CCDC166: variants seen among roughly 807,000 people sequenced by gnomAD.
CCDC166 encodes the protein coiled-coil domain containing 166.
CCDC166 carries 17 observed loss-of-function variants against 14.4 expected under a neutral mutation model. The ratio of observed to expected loss-of-function variants is 1.18; its 90% CI spans 0.81 to 1.77. CCDC166 has a LOEUF of 1.77. Among genes scored for constraint, CCDC166 ranks in the 40% most tolerant of loss-of-function variants. The probability of loss-of-function intolerance (pLI) is 0.00; values close to 1 mark genes in which losing one functional copy is unlikely to be tolerated. For missense variants in CCDC166, 738 were observed against 665.8 expected (o/e 1.11, Z -1.19); for synonymous variants, 336 against 330.1 (o/e 1.02, Z -0.20).
Position 143,707,690 on chromosome 8 carries a change from C to T in CCDC166, c.420G>A (p.Gln140=). ...MEARAAQMAQ[Q]VQELQPYKVL... ...CCTTGTAGGGCTGCAGCTCTTGCAC[C>T]TGCTGTGCCATCTGTGCCGCGCGCG... Residue 140 remains glutamine, a synonymous_variant, in exon 1 of 2, where the codon CAG becomes CAA. Transcript: ENST00000542437. This position sits in a 1 kb window ranked among gnomAD's most constrained non-coding sequence, Gnocchi z 8.0. The T allele has an allele frequency of 6.7e-7, 1 of 1,482,312 alleles. No homozygotes were observed. Among genetic ancestry groups the T allele is most frequent in the Non-Finnish European group, 9.0e-7 (1 of 1,116,858 alleles). 91.8% of individuals were successfully genotyped at this position (1,482,312 alleles called of 1,614,324 possible).
rs907243562 is a variant in CCDC166 at position 143,708,053 on chromosome 8, C to T, written c.57G>A (p.Ala19=). The change falls in exon 1 of 2, where the codon GCG becomes GCA. Residue 19 remains alanine, a synonymous_variant. Transcript: ENST00000542437. The part of the protein sequence containing the change: ...PSAGSQPGGA[A]AAGAEQPLSE... ...ATAGCGGCTGCTCGGCACCCGCGGC[C>T]GCCGCACCACCTGGCTGGCTCCCTG... 29 of 1,486,120 alleles carry T rather than the reference C, an allele frequency of 2.0e-5. 1 individual carries two copies. Among genetic ancestry groups the T allele is most frequent in the Middle Eastern group, 2.4e-4 (1 of 4,220 alleles). 92.1% of individuals were successfully genotyped at this position (1,486,120 alleles called of 1,614,324 possible). A position where few individuals can be genotyped will look rare whatever the true frequency, so the allele number is the denominator to read the frequency against.
Position 143,707,254 on chromosome 8 carries a change from G to C in CCDC166, c.760C>G (p.Gln254Glu). The stretch of plus-strand genomic sequence containing the variant: ...GTGTCCTCGTGCTCGCGGTGCAGTT[G>C]CTCGCGCTGTTCCAGCAGCTGGCGC... ...TRRQLLEQRE[Q>E]LHREHEDTRD... The change falls in exon 2 of 2, where the codon CAA becomes GAA. Residue 254 changes from glutamine (Q) to glutamate (E), a missense_variant. Gln to Glu is a conservative substitution (Grantham distance 29). Coordinates refer to ENST00000542437, the MANE Select transcript of CCDC166 (RefSeq NM_001162914.1). This position sits in a 1 kb window ranked among gnomAD's most constrained non-coding sequence, Gnocchi z 8.0. 2.1e-6 allele frequency: 3 copies of C among 1,450,276 alleles called. No homozygotes were observed. The highest frequency in any genetic ancestry group is 2.7e-6 in the Non-Finnish European group (3 of 1,106,200). The allele number at this position is 1,450,276 out of a possible 1,614,324, so 89.8% of individuals were successfully genotyped here.
chr8:143,707,257 C>A lies in CCDC166; in HGVS notation c.757G>T (p.Glu253Ter). The A allele has an allele frequency of 1.4e-6, 2 of 1,450,092 alleles. No homozygotes were observed. Among genetic ancestry groups the A allele is most frequent in the Non-Finnish European group, 1.8e-6 (2 of 1,105,996 alleles). The allele number at this position is 1,450,092 out of a possible 1,614,324, so 89.8% of individuals were successfully genotyped here. ...HTRRQLLEQR[E>*]QLHREHEDTR... ...TCCTCGTGCTCGCGGTGCAGTTGCT[C>A]GCGCTGTTCCAGCAGCTGGCGCCGC... The change falls in exon 2 of 2, where the codon GAG (glutamate) becomes TAG (stop). Residue 253 changes from glutamate to a stop codon, truncating the protein, a stop_gained. Coordinates refer to ENST00000542437, the MANE Select transcript of CCDC166 (RefSeq NM_001162914.1). LOFTEE classifies it low-confidence loss of function (END_TRUNC). This position sits in a 1 kb window ranked among gnomAD's most constrained non-coding sequence, Gnocchi z 8.0.
In CCDC166 at chr8:143,707,531, C is replaced by A; in HGVS notation, c.483G>T (p.Leu161=). 1 of 1,371,302 alleles carries A rather than the reference C, an allele frequency of 7.3e-7. No homozygotes were observed. Among genetic ancestry groups the A allele is most frequent in the Non-Finnish European group, 9.4e-7 (1 of 1,066,090 alleles). 84.9% of individuals were successfully genotyped at this position (1,371,302 alleles called of 1,614,324 possible). Residue 161 remains leucine, a synonymous_variant, in exon 2 of 2, where the codon CTG becomes CTT. Coordinates refer to ENST00000542437, the MANE Select transcript of CCDC166 (RefSeq NM_001162914.1). The surrounding 1 kb of genome is among the most constrained non-coding windows in gnomAD (Gnocchi z 8.0). The part of the protein sequence containing the change: ...QLEQLARIRA[L]ERELLHMRVE... ...CGCGCATATGCAGCAGCTCGCGCTC[C>A]AGCGCCCGGATCCGGGCCAGCTGCT... is the stretch of plus-strand genomic sequence containing the variant.
In CCDC166 at chr8:143,707,495, C is replaced by G. The variant is rs961714250; in HGVS notation, c.519G>C (p.Thr173=). Residue 173 remains threonine (T), a synonymous_variant, in exon 2 of 2, where the codon ACG becomes ACC. Transcript: ENST00000542437. The surrounding 1 kb of genome is among the most constrained non-coding windows in gnomAD (Gnocchi z 8.0). ...GCCGCTTCACGCGGTGGAGCAGCTG[C>G]GTGTGCTCCACGCGCATATGCAGCA... The part of the protein sequence containing the change: ...RELLHMRVEH[T]QLLHRVKRRF... The G allele has an allele frequency of 4.5e-5, 65 of 1,454,820 alleles. No individual in the cohort carries two copies. Among genetic ancestry groups the G allele is most frequent in the Non-Finnish European group, 5.7e-5 (63 of 1,112,864 alleles). The allele number at this position is 1,454,820 out of a possible 1,614,324, so 90.1% of individuals were successfully genotyped here.
chr8:143,707,379 G>C lies in CCDC166; in HGVS notation c.635C>G (p.Ala212Gly), dbSNP rs781789909. 1.4e-6 allele frequency: 2 copies of C among 1,414,138 alleles called. No homozygotes were observed. The highest frequency in any genetic ancestry group is 3.0e-5 in the South Asian group (2 of 67,550). The allele number at this position is 1,414,138 out of a possible 1,614,324, so 87.6% of individuals were successfully genotyped here. The change falls in exon 2 of 2, where the codon GCG becomes GGG. Residue 212 changes from alanine (A) to glycine (G), a missense_variant. Coordinates refer to ENST00000542437, the MANE Select transcript of CCDC166 (RefSeq NM_001162914.1). The surrounding 1 kb of genome is among the most constrained non-coding windows in gnomAD (Gnocchi z 8.0). ...ARRAEREAVR[A>G]LVAHTQAIKA... ...GATGGCCTGCGTGTGCGCCACAAGCGCGCGCACCGCCTCCCGCTCCGCGCG... is the reference window on the plus strand; with the variant it reads ...GATGGCCTGCGTGTGCGCCACAAGCCCGCGCACCGCCTCCCGCTCCGCGCG...
chr8:143,706,742 G>C lies in CCDC166; in HGVS notation c.1272C>G (p.Asp424Glu), dbSNP rs1319903069. The C allele has an allele frequency of 1.9e-5, 29 of 1,550,474 alleles. No homozygotes were observed. The highest frequency in any genetic ancestry group is 2.5e-5 in the Non-Finnish European group (29 of 1,146,848). Residue 424 changes from aspartate to glutamate, a missense_variant, in exon 2 of 2, where the codon GAC (aspartate) becomes GAG (glutamate). Transcript: ENST00000542437. ...DPALLPPQSE[D>E]SVNAEAAAEA... Reference sequence around the variant, plus strand: ...CTGCCGCAGCTTCAGCGTTCACGCTGTCCTCCGACTGTGGGGGGAGAAGAG... The same window carrying C: ...CTGCCGCAGCTTCAGCGTTCACGCTCTCCTCCGACTGTGGGGGGAGAAGAG...
Position 143,707,982 on chromosome 8 carries a change from T to A in CCDC166, c.128A>T (p.Glu43Val). Residue 43 changes from glutamate to valine, a missense_variant, in exon 1 of 2, where the codon GAG (glutamate) becomes GTG (valine). By Grantham distance (121) the Glu-to-Val change is moderately radical. Coordinates refer to ENST00000542437, the MANE Select transcript of CCDC166 (RefSeq NM_001162914.1). The surrounding 1 kb of genome is among the most constrained non-coding windows in gnomAD (Gnocchi z 8.0). Reference sequence around the variant, plus strand: ...GCTCTCCTCGCAGGTGTCCAGCTGCTCCGAGAGCAGCGCGTGTTCGCGTTG... The same window carrying A: ...GCTCTCCTCGCAGGTGTCCAGCTGCACCGAGAGCAGCGCGTGTTCGCGTTG... ...YLQREHALLS[E>V]QLDTCEESVD... 6.5e-7 allele frequency: 1 copy of A among 1,531,634 alleles called. No individual in the cohort carries two copies. Among genetic ancestry groups the A allele is most frequent in the Non-Finnish European group, 8.7e-7 (1 of 1,142,982 alleles). 94.9% of individuals were successfully genotyped at this position (1,531,634 alleles called of 1,614,324 possible).
rs1192701545 is a variant in CCDC166, at chr8:143,708,083, C to G, written c.27G>C (p.Pro9=). 2 of 1,444,176 alleles carry G rather than the reference C, an allele frequency of 1.4e-6. No individual in the cohort carries two copies. The highest frequency in any genetic ancestry group is 2.9e-5 in the African/African-American group (2 of 69,586). The allele number at this position is 1,444,176 out of a possible 1,614,324, so 89.5% of individuals were successfully genotyped here. MAPKKKRG[P]SAGSQPGGAA... ...CACCACCTGGCTGGCTCCCTGCGCTCGGCCCGCGCTTTTTCTTGGGCGCCA... is the reference window on the plus strand; with the variant it reads ...CACCACCTGGCTGGCTCCCTGCGCTGGGCCCGCGCTTTTTCTTGGGCGCCA... Residue 9 remains proline, a synonymous_variant, in exon 1 of 2, where the codon CCG becomes CCC. Coordinates refer to ENST00000542437, the MANE Select transcript of CCDC166 (RefSeq NM_001162914.1).
At position 143,707,465 on chromosome 8, in the gene CCDC166, G is replaced by A. The variant is rs1587421084; in HGVS notation, c.549C>T (p.Phe183=). Residue 183 remains phenylalanine (F), a synonymous_variant, in exon 2 of 2, where the codon TTC becomes TTT. Coordinates refer to ENST00000542437, the MANE Select transcript of CCDC166 (RefSeq NM_001162914.1). The surrounding 1 kb of genome is among the most constrained non-coding windows in gnomAD (Gnocchi z 8.0). ...TQLLHRVKRR[F]LEDKAAFERE... is the part of the protein sequence containing the mutation. ...GCTCGAAGGCCGCCTTGTCCTCCAG[G>A]AAGCGCCGCTTCACGCGGTGGAGCA... 2.0e-6 allele frequency: 3 copies of A among 1,475,656 alleles called. No homozygotes were observed. The highest frequency in any genetic ancestry group is 1.3e-5 in the South Asian group (1 of 77,830). 91.4% of individuals were successfully genotyped at this position (1,475,656 alleles called of 1,614,324 possible).
Position 143,708,012 on chromosome 8 carries a change from T to C in CCDC166, c.98A>G (p.Tyr33Cys). ...GAGCAGCGCGTGTTCGCGTTGCAGG[T>C]ACTGCGCGCGCTCCGATAGCGGCTG... ...AEQPLSERAQYLQREHALLSE... is the reference protein window; with the variant it reads ...AEQPLSERAQCLQREHALLSE... Residue 33 changes from tyrosine to cysteine, a missense_variant, in exon 1 of 2, where the codon TAC becomes TGC. By Grantham distance (194) the Tyr-to-Cys change is radical (BLOSUM62 -2). Transcript: ENST00000542437. The C allele has an allele frequency of 6.6e-7, 1 of 1,519,442 alleles. No homozygotes were observed. The highest frequency in any genetic ancestry group is 8.8e-7 in the Non-Finnish European group (1 of 1,134,160). The allele number at this position is 1,519,442 out of a possible 1,614,324, so 94.1% of individuals were successfully genotyped here.
chr8:143,707,668 T>G lies in CCDC166; in HGVS notation c.442A>C (p.Lys148Gln), dbSNP rs1817564946. ...CGGCCGCGGGCGGGCTCACTGGCCTTGTAGGGCTGCAGCTCTTGCACCTGC... is the reference window on the plus strand; with the variant it reads ...CGGCCGCGGGCGGGCTCACTGGCCTGGTAGGGCTGCAGCTCTTGCACCTGC... ...AQQVQELQPY[K>Q]VLQLEQLARI... The change falls in exon 1 of 2, where the codon AAG becomes CAG. Residue 148 changes from lysine to glutamine, a missense_variant and splice_region_variant. Transcript: ENST00000542437. This position sits in a 1 kb window ranked among gnomAD's most constrained non-coding sequence, Gnocchi z 8.0. 7.0e-7 allele frequency: 1 copy of G among 1,432,030 alleles called. No individual in the cohort carries two copies. Among genetic ancestry groups the G allele is most frequent in the African/African-American group, 1.5e-5 (1 of 67,432 alleles). The allele number at this position is 1,432,030 out of a possible 1,614,324, so 88.7% of individuals were successfully genotyped here.
At position 143,707,327 on chromosome 8, in the gene CCDC166, C is replaced by A; in HGVS notation, c.687G>T (p.Gln229His). The A allele has an allele frequency of 7.1e-7, 1 of 1,411,566 alleles. No individual in the cohort carries two copies. The highest frequency in any genetic ancestry group is 1.5e-5 in the South Asian group (1 of 68,286). 87.4% of individuals were successfully genotyped at this position (1,411,566 alleles called of 1,614,324 possible). A position where few individuals can be genotyped will look rare whatever the true frequency, so the allele number is the denominator to read the frequency against. The change falls in exon 2 of 2, where the codon CAG becomes CAT. Residue 229 changes from glutamine to histidine, a missense_variant. Transcript: ENST00000542437. This position sits in a 1 kb window ranked among gnomAD's most constrained non-coding sequence, Gnocchi z 8.0. ...AIKADNGRLR[Q>H]ELLLLLRRTQ... Reference sequence around the variant, plus strand: ...TCCGGCGGAGCAGCAGCAGCAGCTCCTGCCGCAGGCGTCCGTTGTCCGCTT... The same window carrying A: ...TCCGGCGGAGCAGCAGCAGCAGCTCATGCCGCAGGCGTCCGTTGTCCGCTT...
In CCDC166 at chr8:143,706,970, C is replaced by T. The variant is rs781990610; in HGVS notation, c.1044G>A (p.Ser348=). ...GGGATCCCACCTTTGAAGTGGCCAG[C>T]GATGGGACCCTGGAGTCCATGCTCG... The part of the protein sequence containing the change: ...VLSSMDSRVP[S]LATSKVGSRM... Residue 348 remains serine, a synonymous_variant, in exon 2 of 2, where the codon TCG becomes TCA. Coordinates refer to ENST00000542437, the MANE Select transcript of CCDC166 (RefSeq NM_001162914.1). 2.6e-6 allele frequency: 4 copies of T among 1,543,260 alleles called. No homozygotes were observed. Among genetic ancestry groups the T allele is most frequent in the South Asian group, 1.2e-5 (1 of 84,064 alleles).
chr8:143,707,858 G>A lies in CCDC166; in HGVS notation c.252C>T (p.Ala84=). 1 of 1,538,020 alleles carries A rather than the reference G, an allele frequency of 6.5e-7. No homozygotes were observed. Among genetic ancestry groups the A allele is most frequent in the Non-Finnish European group, 8.7e-7 (1 of 1,145,988 alleles). The change falls in exon 1 of 2, where the codon GCC becomes GCT. Residue 84 remains alanine (A), a synonymous_variant. Coordinates refer to ENST00000542437, the MANE Select transcript of CCDC166 (RefSeq NM_001162914.1). This position sits in a 1 kb window ranked among gnomAD's most constrained non-coding sequence, Gnocchi z 8.0. ...GGACGATGGCTTTGGCGCAGCGCTG[G>A]GCGCGCGCGCTCACGTAGCTGGCGT... The part of the protein sequence containing the change: ...RLYASYVSAR[A]QRCAKAIVRL...
At position 143,707,122 on chromosome 8, in the gene CCDC166, C is replaced by T. The variant is rs781944521; in HGVS notation, c.892G>A (p.Ala298Thr). ...GCGCGCGACGGGCTTATGGGGGCGG[C>T]TAATGACCCGGGGCGCGAGGTGGGC... ...SQPTSRPGSL[A>T]APISPSRAAS... The change falls in exon 2 of 2, where the codon GCC (alanine) becomes ACC (threonine). Residue 298 changes from alanine (A) to threonine (T), a missense_variant. Transcript: ENST00000542437. This position sits in a 1 kb window ranked among gnomAD's most constrained non-coding sequence, Gnocchi z 8.0. 31 of 1,483,048 alleles carry T rather than the reference C, an allele frequency of 2.1e-5. No homozygotes were observed. In the South Asian group the frequency reaches 3.1e-4, roughly 15 times the overall value. 91.9% of individuals were successfully genotyped at this position (1,483,048 alleles called of 1,614,324 possible).
Position 143,707,974 on chromosome 8 carries a change from C to T in CCDC166, c.136G>A (p.Asp46Asn), listed in dbSNP as rs1442255791. 8.5e-6 allele frequency: 13 copies of T among 1,534,332 alleles called. No individual in the cohort carries two copies. Among genetic ancestry groups the T allele is most frequent in the East Asian group, 4.9e-5 (2 of 40,800 alleles). The change falls in exon 1 of 2, where the codon GAC becomes AAC. Residue 46 changes from aspartate (D) to asparagine (N), a missense_variant. By Grantham distance (23) the Asp-to-Asn change is conservative. Transcript: ENST00000542437. The surrounding 1 kb of genome is among the most constrained non-coding windows in gnomAD (Gnocchi z 8.0). ...TGGTCAACGCTCTCCTCGCAGGTGT[C>T]CAGCTGCTCCGAGAGCAGCGCGTGT... ...REHALLSEQL[D>N]TCEESVDQVL...
chr8:143,707,802 G>A lies in CCDC166; in HGVS notation c.308C>T (p.Ala103Val), dbSNP rs1554616931. ...TTCCGCCCGCTGCCAGTGGATCTGC[G>A]CTAGGTCCACGCGGTTCTGCTCGTC... ...RLDEQNRVDLAQIHWQRAELA... is the reference protein window; with the variant it reads ...RLDEQNRVDLVQIHWQRAELA... The change falls in exon 1 of 2, where the codon GCG (alanine) becomes GTG (valine). Residue 103 changes from alanine (A) to valine (V), a missense_variant. Transcript: ENST00000542437. This position sits in a 1 kb window ranked among gnomAD's most constrained non-coding sequence, Gnocchi z 8.0. 1.3e-6 allele frequency: 2 copies of A among 1,540,492 alleles called. No individual in the cohort carries two copies. The highest frequency in any genetic ancestry group is 2.0e-5 in the Admixed American group (1 of 50,964).
At position 143,706,935 on chromosome 8, in the gene CCDC166, G is replaced by T. The variant is rs1162689234; in HGVS notation, c.1079C>A (p.Ser360Tyr). ...GGAGCCTGCGCGCGAAGCGGTCAGG[G>T]ATGGCATCCGGGATCCCACCTTTGA... ...ATSKVGSRMP[S>Y]LTASRAGSRA... Residue 360 changes from serine (S) to tyrosine (Y), a missense_variant, in exon 2 of 2, where the codon TCC becomes TAC. By Grantham distance (144) the Ser-to-Tyr change is moderately radical. Transcript: ENST00000542437. The T allele has an allele frequency of 1.9e-5, 30 of 1,548,232 alleles. No individual in the cohort carries two copies. Among genetic ancestry groups the T allele is most frequent in the African/African-American group, 2.7e-5 (2 of 73,036 alleles).
Sources: gnomAD v4.1 joint callset for allele counts on GRCh38, gnomAD v4.1.1 for gene constraint, Gnocchi (gnomAD v3.1) non-coding constraint, MANE v1.5 for transcripts, NCBI Gene and HGNC (gene_info 2026-07-23, HGNC 2026-07-21) for gene names.